CELF2: variants seen among roughly 807,000 people sequenced by gnomAD.
The protein encoded by CELF2 is CUGBP Elav-like family member 2, also known as CUG triplet repeat RNA-binding protein 2.
A neutral mutation model predicts 62.6 loss-of-function variants in CELF2; 8 were observed. The observed-to-expected ratio is 0.13, with a 90% CI of 0.07 to 0.23. The LOEUF (loss-of-function observed/expected upper bound fraction) is 0.23, where lower values mean the gene tolerates loss of function less well. Ranked by LOEUF, CELF2 falls within the 10% of genes least tolerant of loss-of-function variation. CELF2 has a pLI of 1.00. For synonymous variants in CELF2, 258 were observed against 250.0 expected (o/e 1.03, Z -0.30); for missense variants, 333 against 671.0 (o/e 0.50, Z 5.56).
At chr10:11,094,581 T>G (rs2049242533) in intron 1 of CELF2, among the ~76,000 whole-genome samples, 1 of 152,150 alleles carries the variant, frequency 6.6e-6, no homozygotes, top group African/African-American at 2.4e-5. Flanking sequence ...ACAATTTCTT[T>G]GGAAGGGGAA....
At chr10:10,713,921 G>C in the CELF2 span, among the ~76,000 whole-genome samples, 802 of 152,238 alleles carry the variant, frequency 5.3e-3, 10 homozygotes, top group Non-Finnish European at 8.1e-3. Flanking sequence ...TGTAATCCTA[G>C]CTTCTCAGGA....
chr10:11,243,813 C>G lies in CELF2; in HGVS notation c.355-5340C>G, dbSNP rs1415727291. Reference sequence around the variant, plus strand: ...CACTCCTGAATTAAAACTTCCCATTCTGTGTGGCTGGAGATGCAGCCTCAG... The same window carrying G: ...CACTCCTGAATTAAAACTTCCCATTGTGTGTGGCTGGAGATGCAGCCTCAG... On this transcript the variant is annotated intron_variant, in intron 3 of 12. Coordinates refer to ENST00000633077, the MANE Select transcript of CELF2 (RefSeq NM_001326342.2). The surrounding 1 kb of genome is among the most constrained non-coding windows in gnomAD (Gnocchi z 4.1). Among the ~76,000 whole-genome samples, 4 of 152,226 alleles carry G rather than the reference C, an allele frequency of 2.6e-5. No individual in the cohort carries two copies. Among genetic ancestry groups the G allele is most frequent in the Non-Finnish European group, 5.9e-5 (4 of 68,042 alleles).
At chr10:10,950,568 A>G (rs1054616358) in intron 2 of CELF2, among the ~76,000 whole-genome samples, 2 of 152,180 alleles carry the variant, frequency 1.3e-5, no homozygotes, top group African/African-American at 4.8e-5. Context: ...TCAGGGACAT[A>G]TAGAAGAATG....
the CELF2 span, among the ~76,000 whole-genome samples, chr10:10,540,884 C>T: frequency 6.6e-6 from 1 of 152,072 alleles, no homozygotes; most frequent in African/African-American, 2.4e-5. Context: ...GACTGTCAGC[C>T]CCCAAAAAGA....
At chr10:10,704,377 A>G in the CELF2 span, among the ~76,000 whole-genome samples, 3 of 152,152 alleles carry the variant, frequency 2.0e-5, no homozygotes, top group Non-Finnish European at 2.9e-5. Flanking sequence ...CTCTGTCATT[A>G]GTCTGAATTA....
At chr10:11,029,232 C>G (rs2059735498) in intron 1 of CELF2, among the ~76,000 whole-genome samples, 1 of 152,136 alleles carries the variant, frequency 6.6e-6, no homozygotes, top group Non-Finnish European at 1.5e-5. Flanking sequence ...TCTGTAGCAT[C>G]TATGTGGTGT....
Position 11,297,240 on chromosome 10 carries a change from G to A in CELF2, c.976+8688G>A, listed in dbSNP as rs142674679. Among the ~76,000 whole-genome samples, 672 of 152,288 alleles carry A rather than the reference G, an allele frequency of 4.4e-3. 3 individuals are homozygous for A. Among genetic ancestry groups the A allele is most frequent in the Non-Finnish European group, 5.3e-3 (360 of 68,024 alleles). ...ATGGAGAGCTCAAGTGCACATGAAC[G>A]GACATTCCGTGAAATGTGTCCAGCA... On this transcript the variant is annotated intron_variant, in intron 9 of 12. Coordinates refer to ENST00000633077, the MANE Select transcript of CELF2 (RefSeq NM_001326342.2). The surrounding 1 kb of genome is among the most constrained non-coding windows in gnomAD (Gnocchi z 4.4).
At chr10:10,697,310 A>G in the CELF2 span, among the ~76,000 whole-genome samples, 1 of 152,172 alleles carries the variant, frequency 6.6e-6, no homozygotes, top group Non-Finnish European at 1.5e-5. Context: ...AATGAGTGAT[A>G]CATTACCAAA....
At chr10:10,885,132 A>C (rs1303889799) in intron 1 of CELF2, among the ~76,000 whole-genome samples, 2 of 151,842 alleles carry the variant, frequency 1.3e-5, no homozygotes, top group East Asian at 3.9e-4. Flanking sequence ...AATCCCAGCT[A>C]CTCAGGAGGC....
chr10:11,272,475 T>TC (rs1312038213), intron 7 of CELF2, among the ~76,000 whole-genome samples: 2 of 152,132 alleles, frequency 1.3e-5, no homozygotes, highest in African/African-American at 4.8e-5. Flanking sequence ...GAGTCCGGCT[T>TC]CCCCCATCCA....
At chr10:11,158,145 C>G (rs533715430) in intron 1 of CELF2, among the ~76,000 whole-genome samples, 2 of 152,328 alleles carry the variant, frequency 1.3e-5, no homozygotes, top group African/African-American at 4.8e-5. Flanking sequence ...TCCTGTCAAT[C>G]ATCCAAAGAG....
At chr10:11,166,057 C>T (rs2067054904) in intron 2 of CELF2, among the ~76,000 whole-genome samples, 1 of 152,230 alleles carries the variant, frequency 6.6e-6, no homozygotes, top group Non-Finnish European at 1.5e-5. Context: ...TCTTCCCACC[C>T]CTACGTTCCT....
chr10:10,848,239 C>A (rs1033892091), intron 1 of CELF2, among the ~76,000 whole-genome samples: 1 of 152,128 alleles, frequency 6.6e-6, no homozygotes, highest in African/African-American at 2.4e-5. Context: ...CAATAAAAAT[C>A]ATGTGGTCTT....
chr10:10,552,744 T>C, the CELF2 span, among the ~76,000 whole-genome samples: 1 of 152,202 alleles, frequency 6.6e-6, no homozygotes, highest in African/African-American at 2.4e-5. Context: ...GCTTTTTCCT[T>C]TCTGATGTTG....
At position 11,290,144 on chromosome 10, in the gene CELF2, G is replaced by A. The variant is rs2092282346; in HGVS notation, c.976+1592G>A. On this transcript the variant is annotated intron_variant, in intron 9 of 12. Coordinates refer to ENST00000633077, the MANE Select transcript of CELF2 (RefSeq NM_001326342.2). This position sits in a 1 kb window ranked among gnomAD's most constrained non-coding sequence, Gnocchi z 4.3. ...AATCATATCCCAAAAGCGCTTTGTG[G>A]TGTGAGCAGGACAGATGTGCTGCCT... Among the ~76,000 whole-genome samples, 1 of 152,176 alleles carries A rather than the reference G, an allele frequency of 6.6e-6. No homozygotes were observed. Among genetic ancestry groups the A allele is most frequent in the African/African-American group, 2.4e-5 (1 of 41,436 alleles).
At chr10:10,751,526 T>G in the CELF2 span, among the ~76,000 whole-genome samples, 1 of 152,194 alleles carries the variant, frequency 6.6e-6, no homozygotes, top group Non-Finnish European at 1.5e-5. Context: ...ACCCAGATGG[T>G]GTTTTTTGCC....
At chr10:10,952,965 A>G (rs1643505039) in intron 2 of CELF2, among the ~76,000 whole-genome samples, 1 of 152,204 alleles carries the variant, frequency 6.6e-6, no homozygotes, top group African/African-American at 2.4e-5. Flanking sequence ...ATGATGCTAC[A>G]GAACAGATTG....
Position 10,901,608 on chromosome 10 carries a change from G to C in CELF2, c.54-18356G>C, listed in dbSNP as rs143667874. On this transcript the variant is annotated intron_variant, in intron 1 of 13. Transcript: ENST00000636488. Reference sequence around the variant, plus strand: ...ATGTCTGTGACTGAGTAGGCAAAGAGTTCCTAAATACAGCTCTAAAAGCGT... The same window carrying C: ...ATGTCTGTGACTGAGTAGGCAAAGACTTCCTAAATACAGCTCTAAAAGCGT... Among the ~76,000 whole-genome samples, 29 of 152,282 alleles carry C rather than the reference G, an allele frequency of 1.9e-4. No homozygotes were observed. The East Asian group carries it at 5.4e-3, about 28-fold the overall frequency.
intron 1 of CELF2, among the ~76,000 whole-genome samples, chr10:10,894,097 C>G (rs1484483202): frequency 6.6e-6 from 1 of 151,746 alleles, no homozygotes; most frequent in Non-Finnish European, 1.5e-5. Context: ...AAGTTTTTAA[C>G]CTGATTCTTA....
Sources: gnomAD v4.1 joint callset for allele counts (sites outside exome capture counted in the v4.1 genomes callset) on GRCh38, gnomAD v4.1.1 for gene constraint, Gnocchi (gnomAD v3.1) non-coding constraint, MANE v1.5 for transcripts, NCBI Gene and HGNC (gene_info 2026-07-23, HGNC 2026-07-21) for gene names.